The following PRKG2 variants were observed in gnomAD, a reference collection of about 807,000 sequenced individuals.
The protein encoded by PRKG2 is cGMP-dependent protein kinase 2.
Under a neutral mutation model 97.2 loss-of-function variants are expected in PRKG2, and 33 were observed. The ratio of observed to expected loss-of-function variants is 0.34; its 90% CI spans 0.26 to 0.45. PRKG2 has a LOEUF of 0.45. Ranked by LOEUF, PRKG2 falls within the 20% of genes least tolerant of loss-of-function variation. The pLI is 1.00. For synonymous variants in PRKG2, 330 were observed against 321.8 expected, an observed-to-expected ratio of 1.03 and a Z score of -0.27; for missense variants, 638 against 900.0, an observed-to-expected ratio of 0.71 and a Z score of 3.73.
chr4:81,115,142 A>T (rs1478846400), intron 14 of PRKG2, among the ~76,000 whole-genome samples: 6 of 152,156 alleles, frequency 3.9e-5, no homozygotes. Context: ...AAGAGTAAAA[A>T]TGCTGGGTCA....
At chr4:81,110,726 T>TGC (rs1743814930) in intron 14 of PRKG2, 115 bp from the exon 15 acceptor site, 1 of 852,218 alleles carries the variant, frequency 1.2e-6, no homozygotes, top group Admixed American at 2.5e-5. Flanking sequence ...TTTTATACCA[T>TGC]GCACACACAC....
intron 17 of PRKG2, among the ~76,000 whole-genome samples, chr4:81,103,308 G>T (rs897636372): frequency 6.8e-6 from 1 of 146,454 alleles, no homozygotes; most frequent in Non-Finnish European, 1.5e-5. Context: ...ATCCCTCCCC[G>T]CTCCCCCCAC....
At chr4:81,215,274 G>T (rs755819665), upstream of PRKG2, among the ~76,000 whole-genome samples, 1 of 152,296 alleles carries the variant, frequency 6.6e-6, no homozygotes, top group Non-Finnish European at 1.5e-5. Context: ...AGGAGGGAGG[G>T]GGTCAGCCGG....
At chr4:81,208,748 G>C (rs1367961842) in intron 1 of PRKG2, among the ~76,000 whole-genome samples, 1 of 152,084 alleles carries the variant, frequency 6.6e-6, no homozygotes, top group Non-Finnish European at 1.5e-5. Context: ...GGGAGTAAGG[G>C]ACTCTTACTT....
At chr4:81,166,352 A>C (rs1157134301) in intron 6 of PRKG2, among the ~76,000 whole-genome samples, 2 of 151,960 alleles carry the variant, frequency 1.3e-5, no homozygotes, top group African/African-American at 4.8e-5. Context: ...TAAAAGCTTA[A>C]ATTCTATATG....
chr4:81,167,361 A>C, intron 5 of PRKG2, 137 bp from the exon 6 acceptor site: 1 of 525,134 alleles, frequency 1.9e-6, no homozygotes, highest in South Asian at 3.9e-5. Flanking sequence ...ATGTCCAAAT[A>C]ACTGAAAACA....
chr4:81,184,114 C>T (rs751515987), intron 2 of PRKG2, among the ~76,000 whole-genome samples: 13 of 152,166 alleles, frequency 8.5e-5, no homozygotes, highest in African/African-American at 1.4e-4. Flanking sequence ...AAGAGAGCAG[C>T]GTATCTCCCA....
chr4:81,138,245 C>T (rs943219566), intron 12 of PRKG2, among the ~76,000 whole-genome samples: 3 of 152,126 alleles, frequency 2.0e-5, no homozygotes, highest in Admixed American at 6.5e-5. Context: ...AGTTCCGAAG[C>T]GGGACGTAGG....
intron 9 of PRKG2, 67 bp from the exon 10 acceptor site, chr4:81,144,397 A>T: frequency 7.9e-7 from 1 of 1,273,000 alleles, no homozygotes; most frequent in Non-Finnish European, 1.1e-6. Flanking sequence ...ACATTCTTCT[A>T]AGCTCATAAA....
intron 4 of PRKG2, 61 bp from the exon 5 acceptor site, chr4:81,169,829 A>G: frequency 9.5e-7 from 1 of 1,055,786 alleles, no homozygotes; most frequent in Non-Finnish European, 1.4e-6. Flanking sequence ...ACATTCCAAA[A>G]TATAAATCGA....
Position 81,204,194 on chromosome 4 carries a change from T to C in PRKG2, c.461+393A>G, listed in dbSNP as rs1036778556. 6.6e-5 allele frequency among the ~76,000 whole-genome samples: 10 copies of C among 151,946 alleles called. 1 individual carries two copies. Among genetic ancestry groups the C allele is most frequent in the African/African-American group, 2.2e-4 (9 of 41,400 alleles). On this transcript the variant is annotated intron_variant, in intron 2 of 18. Coordinates refer to ENST00000264399, the MANE Select transcript of PRKG2 (RefSeq NM_006259.3). The stretch of plus-strand genomic sequence containing the variant: ...CCAGCATGTTCCTTTTCCATGACAC[T>C]TGAAGACTACTAAAATGTGACTCTC...
intron 17 of PRKG2, among the ~76,000 whole-genome samples, chr4:81,100,940 A>T (rs988215762): frequency 1.3e-5 from 2 of 152,222 alleles, no homozygotes; most frequent in South Asian, 2.1e-4. Flanking sequence ...GAAGACATTT[A>T]TGCAGCCAAA....
At chr4:81,199,902 A>C (rs1753195614) in intron 2 of PRKG2, among the ~76,000 whole-genome samples, 1 of 152,146 alleles carries the variant, frequency 6.6e-6, no homozygotes, top group Non-Finnish European at 1.5e-5. Context: ...CCTTCCTAAA[A>C]CTGGAGTCAA....
At chr4:81,124,131 C>T (rs912649113) in intron 14 of PRKG2, among the ~76,000 whole-genome samples, 1 of 152,130 alleles carries the variant, frequency 6.6e-6, no homozygotes, top group Admixed American at 6.5e-5. Flanking sequence ...AGTAAACACC[C>T]TTTATCTTTG....
At chr4:81,175,076 A>G in intron 2 of PRKG2, 117 bp from the exon 3 acceptor site, 1 of 1,009,094 alleles carries the variant, frequency 9.9e-7, no homozygotes, top group Non-Finnish European at 1.4e-6. Context: ...CTTTCTAGCA[A>G]GAACAACCTT....
chr4:81,151,057 C>A (rs1748350147), intron 8 of PRKG2, among the ~76,000 whole-genome samples: 1 of 152,026 alleles, frequency 6.6e-6, no homozygotes, highest in African/African-American at 2.4e-5. Context: ...AATATCTGAA[C>A]ACTTTTTCTT....
intron 17 of PRKG2, among the ~76,000 whole-genome samples, chr4:81,098,186 C>G (rs1217276084): frequency 6.6e-6 from 1 of 152,038 alleles, no homozygotes; most frequent in Non-Finnish European, 1.5e-5. Flanking sequence ...GCCTAGCCTC[C>G]CAGTCTACAT....
intron 6 of PRKG2, among the ~76,000 whole-genome samples, chr4:81,155,034 C>G (rs1304772777): frequency 6.6e-6 from 1 of 151,462 alleles, no homozygotes; most frequent in African/African-American, 2.4e-5. Context: ...AAAAATTAGC[C>G]GGGCGTAGTG....
chr4:81,147,532 G>A, intron 9 of PRKG2, among the ~76,000 whole-genome samples: 1 of 152,080 alleles, frequency 6.6e-6, no homozygotes, highest in Non-Finnish European at 1.5e-5. Context: ...GAAAAGTCCT[G>A]TTAATACTTT....
Sources: allele counts gnomAD v4.1 joint callset (sites outside exome capture counted in the v4.1 genomes callset), GRCh38; gene constraint gnomAD v4.1.1; transcripts MANE v1.5; gene names NCBI Gene and HGNC (gene_info 2026-07-23, HGNC 2026-07-21).